The following FGF12 variants were observed in gnomAD, a reference collection of about 807,000 sequenced individuals.
FGF12 encodes fibroblast growth factor 12.
In FGF12, 14 loss-of-function variants were observed where a neutral mutation model predicts 23.6. The observed-to-expected ratio is 0.59, with a 90% confidence interval of 0.39 to 0.93. The LOEUF (loss-of-function observed/expected upper bound fraction) is 0.93. Ranked by LOEUF, FGF12 falls within the 40% of genes least tolerant of loss-of-function variation. The probability of loss-of-function intolerance (pLI) is 0.00; values close to 1 mark genes in which losing one functional copy is unlikely to be tolerated. For missense variants in FGF12, 175 were observed against 217.8 expected (o/e 0.80, Z 1.24); for synonymous variants, 62 against 77.3 (o/e 0.80, Z 1.04).
At chr3:192,677,357 A>T (rs997574219) in intron 2 of FGF12, among the ~76,000 whole-genome samples, 27 of 152,314 alleles carry the variant, frequency 1.8e-4, no homozygotes, top group Middle Eastern at 3.4e-3. Flanking sequence ...TATACAGATG[A>T]GTAGGCCAAA....
chr3:192,170,434 A>G (rs1322639707), intron 5 of FGF12, 24 bp downstream of exon 5: 3 of 1,606,262 alleles, frequency 1.9e-6, no homozygotes, highest in East Asian at 4.5e-5. Flanking sequence ...AGGGTCCAAC[A>G]AAGACAGTCA....
At chr3:192,173,946 G>A (rs887533519) in intron 4 of FGF12, among the ~76,000 whole-genome samples, 4 of 152,158 alleles carry the variant, frequency 2.6e-5, no homozygotes, top group Non-Finnish European at 5.9e-5. Context: ...TCATGACAGC[G>A]AAATAATTGT....
intron 2 of FGF12, among the ~76,000 whole-genome samples, chr3:192,649,609 A>G (rs570217699): frequency 2.9e-4 from 44 of 152,182 alleles, no homozygotes; most frequent in Middle Eastern, 6.8e-3. Context: ...AGGATGGAAT[A>G]CAGTGCCATC....
At chr3:192,331,803 G>A (rs575068605) in intron 4 of FGF12, among the ~76,000 whole-genome samples, 9 of 152,168 alleles carry the variant, frequency 5.9e-5, no homozygotes, top group African/African-American at 1.9e-4. Context: ...TTAAACTGAT[G>A]AGAAACTTCT....
intron 2 of FGF12, among the ~76,000 whole-genome samples, chr3:192,541,685 C>T (rs1274746365): frequency 6.6e-6 from 1 of 151,984 alleles, no homozygotes; most frequent in Non-Finnish European, 1.5e-5. Flanking sequence ...TGAAGAACTC[C>T]CTTACATTTC....
chr3:192,159,038 TA>T (rs1050263050), intron 5 of FGF12, among the ~76,000 whole-genome samples: 2 of 152,124 alleles, frequency 1.3e-5, no homozygotes, highest in African/African-American at 4.8e-5. Context: ...GAAATAGCTT[TA>T]AAAACAAAGA....
intron 2 of FGF12, among the ~76,000 whole-genome samples, chr3:192,393,232 A>G (rs1395923217): frequency 3.9e-5 from 6 of 152,216 alleles, no homozygotes; most frequent in Admixed American, 3.9e-4. Context: ...ACCGTGTTCT[A>G]CGTAAGGGAC....
At chr3:192,359,960 T>C (rs929652171) in intron 3 of FGF12, among the ~76,000 whole-genome samples, 14 of 151,660 alleles carry the variant, frequency 9.2e-5, no homozygotes, top group African/African-American at 2.4e-4. Context: ...TATATATATA[T>C]ACATACACAT....
At chr3:192,619,681 T>C (rs544730628) in intron 2 of FGF12, among the ~76,000 whole-genome samples, 1 of 152,320 alleles carries the variant, frequency 6.6e-6, no homozygotes, top group South Asian at 2.1e-4. Context: ...TTCTTTGATT[T>C]TGCTTGTTTG....
At chr3:192,486,325 T>C (rs1723631536) in intron 2 of FGF12, among the ~76,000 whole-genome samples, 2 of 152,046 alleles carry the variant, frequency 1.3e-5, no homozygotes, top group African/African-American at 4.8e-5. Flanking sequence ...TAATTCAAAT[T>C]GCATTCAGTG....
intron 2 of FGF12, among the ~76,000 whole-genome samples, chr3:192,597,376 A>C (rs2174178): frequency 6.6e-6 from 1 of 152,134 alleles, no homozygotes; most frequent in Admixed American, 6.6e-5. Flanking sequence ...TGACTAGTAC[A>C]CTAAGAAATC....
intron 4 of FGF12, among the ~76,000 whole-genome samples, chr3:192,237,622 C>T (rs1719370620): frequency 6.6e-6 from 1 of 152,094 alleles, no homozygotes; most frequent in Non-Finnish European, 1.5e-5. Context: ...TTGATCTATT[C>T]AGTTATTAAT....
At chr3:192,218,401 T>A (rs567394974) in intron 4 of FGF12, among the ~76,000 whole-genome samples, 1 of 152,164 alleles carries the variant, frequency 6.6e-6, no homozygotes, top group African/African-American at 2.4e-5. Context: ...TGGGAGGTGA[T>A]GGATCATGCG....
At chr3:192,353,917 A>G (rs1718346648) in intron 3 of FGF12, among the ~76,000 whole-genome samples, 1 of 152,240 alleles carries the variant, frequency 6.6e-6, no homozygotes, top group South Asian at 2.1e-4. Context: ...TTTTTGTAGT[A>G]CCTGCATGCC....
At chr3:192,144,847 C>T (rs1251778053) in intron 5 of FGF12, among the ~76,000 whole-genome samples, 5 of 152,064 alleles carry the variant, frequency 3.3e-5, no homozygotes, top group Non-Finnish European at 5.9e-5. Flanking sequence ...TTAGAAAGAA[C>T]GATGTTTTCA....
intron 2 of FGF12, among the ~76,000 whole-genome samples, chr3:192,608,118 G>A (rs1355864303): frequency 6.6e-6 from 1 of 152,108 alleles, no homozygotes; most frequent in Non-Finnish European, 1.5e-5. Context: ...CATAGAGATA[G>A]AAGGTAGAAT....
chr3:192,441,258 C>T lies in FGF12; in HGVS notation c.14-80720G>A, dbSNP rs547755257. On this transcript the variant is annotated intron_variant, in intron 2 of 5. Coordinates refer to ENST00000445105, the MANE Select transcript of FGF12 (RefSeq NM_004113.6). ...TCATCACAGAAATTAGGACAGCTTTCCTTATCTTTTTCTGAGTAAATGTTG... is the reference window on the plus strand; with the variant it reads ...TCATCACAGAAATTAGGACAGCTTTTCTTATCTTTTTCTGAGTAAATGTTG... Among the ~76,000 whole-genome samples the T allele has an allele frequency of 2.5e-3, 388 of 152,282 alleles. 1 individual carries two copies. The highest frequency in any genetic ancestry group is 9.0e-3 in the African/African-American group (373 of 41,560).
intron 2 of FGF12, among the ~76,000 whole-genome samples, chr3:192,632,550 C>G (rs151201320): frequency 3.3e-5 from 5 of 152,302 alleles, no homozygotes; most frequent in African/African-American, 9.6e-5. Flanking sequence ...GGTTGATGCA[C>G]AGTTAATGCT....
At chr3:192,382,495 A>G (rs1719861304) in intron 2 of FGF12, among the ~76,000 whole-genome samples, 1 of 152,112 alleles carries the variant, frequency 6.6e-6, no homozygotes, top group South Asian at 2.1e-4. Context: ...TTCTTCGCTT[A>G]CCAATTCTTA....
Sources: allele counts gnomAD v4.1 joint callset (sites outside exome capture counted in the v4.1 genomes callset), GRCh38; gene constraint gnomAD v4.1.1; transcripts MANE v1.5; gene names NCBI Gene and HGNC (gene_info 2026-07-23, HGNC 2026-07-21).